The following MBOAT1 variants were observed in gnomAD, a reference collection of about 807,000 sequenced individuals.
The protein encoded by MBOAT1 is membrane bound glycerophospholipid O-acyltransferase 1, also known as membrane-bound glycerophospholipid O-acyltransferase 1.
A neutral mutation model predicts 64.4 loss-of-function variants in MBOAT1; 67 were observed. The observed-to-expected ratio is 1.04, with a 90% confidence interval of 0.85 to 1.27. The LOEUF (loss-of-function observed/expected upper bound fraction) is 1.27. Ranked by LOEUF, MBOAT1 falls within the 50% of genes most tolerant of loss-of-function variation. The pLI is 0.00. For missense variants in MBOAT1, 563 were observed against 604.6 expected, an observed-to-expected ratio of 0.93 and a Z score of 0.72; for synonymous variants, 229 against 218.9, an observed-to-expected ratio of 1.05 and a Z score of -0.41.
At chr6:20,195,714 C>G in intron 1 of MBOAT1, among the ~76,000 whole-genome samples, 1 of 151,892 alleles carries the variant, frequency 6.6e-6, no homozygotes, top group East Asian at 1.9e-4. Flanking sequence ...TTAAACTAAA[C>G]ATGAGTTCAT....
chr6:20,124,491 T>G lies in MBOAT1; in HGVS notation c.824A>C (p.Lys275Thr), dbSNP rs746395446. ...TCLVDDWFVHKASFPARLCYL... is the reference protein window; with the variant it reads ...TCLVDDWFVHTASFPARLCYL... ...GCAGAGTCGAGCCGGAAAGCTTGCT[T>G]TATGGACAAACCAGTCATCCACAAG... Residue 275 changes from lysine to threonine, a missense_variant, in exon 8 of 13, where the codon AAA (lysine) becomes ACA (threonine). By Grantham distance (78) the Lys-to-Thr change is moderately conservative. Coordinates refer to ENST00000324607, the MANE Select transcript of MBOAT1 (RefSeq NM_001080480.3). 2.5e-6 allele frequency: 4 copies of G among 1,614,050 alleles called. No individual in the cohort carries two copies. The highest frequency in any genetic ancestry group is 3.4e-6 in the Non-Finnish European group (4 of 1,180,024).
At chr6:20,129,690 T>G (rs1760760971) in intron 5 of MBOAT1, among the ~76,000 whole-genome samples, 1 of 152,228 alleles carries the variant, frequency 6.6e-6, no homozygotes, top group African/African-American at 2.4e-5. Context: ...AGAAGCAGTG[T>G]TTTTAAAAAC....
chr6:20,185,993 G>GGA (rs1762640563), intron 1 of MBOAT1, among the ~76,000 whole-genome samples: 1 of 152,186 alleles, frequency 6.6e-6, no homozygotes, highest in African/African-American at 2.4e-5. Context: ...ACCAGCCTAA[G>GGA]CAACAGAGCA....
At chr6:20,202,205 AAAAT>A (rs759745993) in intron 1 of MBOAT1, among the ~76,000 whole-genome samples, 25 of 152,222 alleles carry the variant, frequency 1.6e-4, no homozygotes, top group Non-Finnish European at 3.1e-4. Flanking sequence ...ACAAACTTAA[AAAAT>A]AAATAAACAA....
chr6:20,130,045 C>T (rs1246781050), intron 5 of MBOAT1, among the ~76,000 whole-genome samples: 1 of 152,134 alleles, frequency 6.6e-6, no homozygotes, highest in Non-Finnish European at 1.5e-5. Flanking sequence ...AGTTCACAAG[C>T]TTTAAGGAAA....
At chr6:20,156,529 C>T (rs559357566) in intron 1 of MBOAT1, among the ~76,000 whole-genome samples, 9 of 152,218 alleles carry the variant, frequency 5.9e-5, no homozygotes, top group Non-Finnish European at 8.8e-5. Flanking sequence ...TAGGAGGGTT[C>T]TAGCAGATAT....
chr6:20,170,825 G>A (rs9465643), intron 1 of MBOAT1, among the ~76,000 whole-genome samples: 14,330 of 152,196 alleles, frequency 0.094, 643 homozygotes, highest in Middle Eastern at 0.14. Context: ...TCAAGAAGGC[G>A]GAAACCATGT....
intron 4 of MBOAT1, 147 bp from the exon 5 acceptor site, chr6:20,131,346 TG>T (rs1246034323): frequency 1.5e-6 from 1 of 670,284 alleles, no homozygotes; most frequent in Non-Finnish European, 2.7e-6. Flanking sequence ...AATTGAATCA[TG>T]GGGGCAGTTA....
At chr6:20,189,122 AC>A (rs1337701076) in intron 1 of MBOAT1, among the ~76,000 whole-genome samples, 3 of 152,118 alleles carry the variant, frequency 2.0e-5, no homozygotes. Context: ...AGTGCTGTAA[AC>A]CATGGACATT....
At chr6:20,200,800 G>A (rs1207918630) in intron 1 of MBOAT1, among the ~76,000 whole-genome samples, 3 of 152,148 alleles carry the variant, frequency 2.0e-5, no homozygotes, top group African/African-American at 7.2e-5. Context: ...TGCTAAAGGA[G>A]AAAGTGTAGG....
intron 1 of MBOAT1, among the ~76,000 whole-genome samples, chr6:20,193,130 A>C (rs1426925036): frequency 6.9e-6 from 1 of 145,898 alleles, no homozygotes; most frequent in East Asian, 2.1e-4. Flanking sequence ...CTCAGCCTCC[A>C]GAGTAGCTGG....
At chr6:20,103,738 T>C (rs1045773930) in intron 12 of MBOAT1, among the ~76,000 whole-genome samples, 23 of 152,250 alleles carry the variant, frequency 1.5e-4, no homozygotes, top group Non-Finnish European at 8.8e-5. Flanking sequence ...CCATGTTTGT[T>C]TTAACCAAAG....
In MBOAT1 at chr6:20,212,342, G is replaced by T. The variant is rs1005609476; in HGVS notation, c.-108C>A. 4.0e-6 allele frequency: 4 copies of T among 996,120 alleles called. No individual in the cohort carries two copies. Among genetic ancestry groups the T allele is most frequent in the Middle Eastern group, 3.2e-4 (1 of 3,162 alleles). 61.7% of individuals were successfully genotyped at this position (996,120 alleles called of 1,614,324 possible). ...TGGTTGCCCCGAGAGGCGCACGGCC[G>T]CCTGGTTCGCGGGGGAGCGAACGGG... On this transcript the variant is annotated 5_prime_UTR_variant, in exon 1 of 13. Coordinates refer to ENST00000324607, the MANE Select transcript of MBOAT1 (RefSeq NM_001080480.3).
chr6:20,109,782 G>C (rs1760070560), intron 11 of MBOAT1, 33 bp from the exon 12 acceptor site: 8 of 1,595,716 alleles, frequency 5.0e-6, no homozygotes, highest in Non-Finnish European at 6.0e-6. Flanking sequence ...GTAGTGAGGA[G>C]GGGGTGAAAA....
At chr6:20,161,605 A>G (rs1470044999) in intron 1 of MBOAT1, among the ~76,000 whole-genome samples, 1 of 152,030 alleles carries the variant, frequency 6.6e-6, no homozygotes, top group Non-Finnish European at 1.5e-5. Flanking sequence ...AAATGACTCC[A>G]CTGAAGCCTT....
chr6:20,151,039 T>G, intron 3 of MBOAT1, 146 bp downstream of exon 3: 5 of 567,174 alleles, frequency 8.8e-6, no homozygotes, highest in Non-Finnish European at 1.5e-5. Flanking sequence ...GCCTTTAGGG[T>G]TCCCCATCCC....
chr6:20,190,049 C>T (rs1331965681), intron 1 of MBOAT1, among the ~76,000 whole-genome samples: 3 of 151,972 alleles, frequency 2.0e-5, no homozygotes, highest in Non-Finnish European at 4.4e-5. Context: ...GGCTGCAGTG[C>T]AGTGATGCGA....
At chr6:20,134,288 A>G (rs1230541634) in intron 4 of MBOAT1, among the ~76,000 whole-genome samples, 1 of 152,198 alleles carries the variant, frequency 6.6e-6, no homozygotes, top group African/African-American at 2.4e-5. Context: ...GAGCAAAGTC[A>G]ATAAATACTA....
chr6:20,150,404 T>C (rs56402603), intron 3 of MBOAT1, among the ~76,000 whole-genome samples: 48,290 of 151,930 alleles, frequency 0.32, 8,177 homozygotes, highest in East Asian at 0.47. Flanking sequence ...CACAGCTCCC[T>C]GCACCATCCC....
Sources: gnomAD v4.1 joint callset for allele counts (sites outside exome capture counted in the v4.1 genomes callset) on GRCh38, gnomAD v4.1.1 for gene constraint, MANE v1.5 for transcripts, NCBI Gene and HGNC (gene_info 2026-07-23, HGNC 2026-07-21) for gene names.